The following SPEF2 variants were observed in gnomAD, a reference collection of about 807,000 sequenced individuals.
The protein encoded by SPEF2 is sperm flagella and cilia-associated protein 2.
SPEF2 carries 187 observed loss-of-function variants against 224.6 expected under a neutral mutation model. The observed-to-expected ratio is 0.83, with a 90% CI of 0.74 to 0.94. The LOEUF is 0.94. SPEF2 is among the 40% of genes least tolerant of loss of function. SPEF2 has a pLI of 0.00. For missense variants in SPEF2, 2,170 were observed against 2,135.6 expected, an observed-to-expected ratio of 1.02 and a Z score of -0.32; for synonymous variants, 715 against 707.3, an observed-to-expected ratio of 1.01 and a Z score of -0.17.
At chr5:35,618,170 G>T (rs766313834) in intron 1 of SPEF2, 115 bp downstream of exon 1, 2 of 1,133,582 alleles carry the variant, frequency 1.8e-6, no homozygotes, top group Non-Finnish European at 2.6e-6. Context: ...GCACAGGTGG[G>T]GCACCTGCGT....
chr5:35,635,611 TA>T (rs1209200363), intron 2 of SPEF2, among the ~76,000 whole-genome samples: 1 of 152,180 alleles, frequency 6.6e-6, no homozygotes. Context: ...CATTCCTATG[TA>T]TAATGTTAAC....
intron 21 of SPEF2, among the ~76,000 whole-genome samples, chr5:35,739,517 G>T (rs570720679): frequency 6.6e-6 from 1 of 152,108 alleles, no homozygotes; most frequent in Admixed American, 6.5e-5. Context: ...CAAGTAGCTG[G>T]GATTGGCACA....
At chr5:35,793,882 T>C (rs1177332986) in intron 32 of SPEF2, among the ~76,000 whole-genome samples, 1 of 152,138 alleles carries the variant, frequency 6.6e-6, no homozygotes, top group Non-Finnish European at 1.5e-5. Context: ...ATGTCCAATC[T>C]AATATGGCCC....
At chr5:35,738,160 A>G (rs1430125865) in intron 21 of SPEF2, among the ~76,000 whole-genome samples, 1 of 152,064 alleles carries the variant, frequency 6.6e-6, no homozygotes, top group Admixed American at 6.5e-5. Context: ...CCCCTTCTGT[A>G]GGTTGCCTGT....
intron 2 of SPEF2, among the ~76,000 whole-genome samples, chr5:35,629,843 A>C (rs1433217071): frequency 6.6e-6 from 1 of 152,202 alleles, no homozygotes; most frequent in Non-Finnish European, 1.5e-5. Context: ...AATGTTTGCA[A>C]GGTTCACCCA....
At chr5:35,676,234 C>A (rs1167698201) in intron 10 of SPEF2, among the ~76,000 whole-genome samples, 3 of 152,062 alleles carry the variant, frequency 2.0e-5, no homozygotes, top group Non-Finnish European at 4.4e-5. Flanking sequence ...AGCCCTCTTC[C>A]AAGCTCCCTC....
At chr5:35,683,546 A>C (rs1313190781) in intron 10 of SPEF2, among the ~76,000 whole-genome samples, 2 of 152,018 alleles carry the variant, frequency 1.3e-5, no homozygotes, top group African/African-American at 4.8e-5. Context: ...AATTGCTTGA[A>C]CTCGAGAGAT....
At chr5:35,683,767 A>G (rs1753172619) in intron 10 of SPEF2, among the ~76,000 whole-genome samples, 1 of 152,246 alleles carries the variant, frequency 6.6e-6, no homozygotes, top group Non-Finnish European at 1.5e-5. Flanking sequence ...CAGACCTCCT[A>G]GGTGTTGATG....
Position 35,773,889 on chromosome 5 carries a change from T to G in SPEF2, c.3950-4T>G. 6.2e-7 allele frequency: 1 copy of G among 1,610,816 alleles called. No homozygotes were observed. Among genetic ancestry groups the G allele is most frequent in the East Asian group, 2.2e-5 (1 of 44,844 alleles). ...TTACTCAGCATGTTTCATTGCCCTT[T>G]CAGGTAAATCACCACCTATGGCAGA... On this transcript the variant is annotated splice_polypyrimidine_tract_variant and splice_region_variant and intron_variant, in intron 27 of 36. Coordinates refer to ENST00000356031, the MANE Select transcript of SPEF2 (RefSeq NM_024867.4).
intron 26 of SPEF2, chr5:35,764,719 C>G (rs1192759244): frequency 2.2e-6 from 1 of 456,192 alleles, no homozygotes; most frequent in Non-Finnish European, 4.4e-6. Context: ...CAACTGGGCA[C>G]TTTCCAAGTC....
chr5:35,729,924 C>G (rs1745349637), intron 21 of SPEF2, among the ~76,000 whole-genome samples: 1 of 152,174 alleles, frequency 6.6e-6, no homozygotes, highest in Non-Finnish European at 1.5e-5. Context: ...TGAGGCCTCC[C>G]CAGCCATGTG....
chr5:35,700,474 G>C, intron 15 of SPEF2, 22 bp from the exon 16 acceptor site: 1 of 1,596,322 alleles, frequency 6.3e-7, no homozygotes, highest in Non-Finnish European at 8.5e-7. Flanking sequence ...AAATATTCAT[G>C]AGTTGTCCTG....
At chr5:35,636,478 C>A (rs1745847197) in intron 2 of SPEF2, among the ~76,000 whole-genome samples, 1 of 152,112 alleles carries the variant, frequency 6.6e-6, no homozygotes, top group African/African-American at 2.4e-5. Flanking sequence ...ATTCCTAGGT[C>A]TTCCTTTTAA....
intron 20 of SPEF2, among the ~76,000 whole-genome samples, chr5:35,714,523 T>C: frequency 6.6e-6 from 1 of 151,788 alleles, no homozygotes; most frequent in Admixed American, 6.6e-5. Flanking sequence ...TTTTTATTGA[T>C]TTTTTTTATT....
At chr5:35,747,421 A>G (rs911047312) in intron 23 of SPEF2, among the ~76,000 whole-genome samples, 2 of 152,322 alleles carry the variant, frequency 1.3e-5, no homozygotes, top group African/African-American at 4.8e-5. Context: ...CTCACCAACC[A>G]ACTATCTGCT....
intron 36 of SPEF2, chr5:35,807,684 T>A: frequency 6.5e-7 from 1 of 1,536,044 alleles, no homozygotes; most frequent in Middle Eastern, 1.7e-4. Context: ...TGCAAAAGGT[T>A]GGGCACCACT....
chr5:35,672,271 TGTTATTGAA>T (rs1751302604), intron 10 of SPEF2, among the ~76,000 whole-genome samples: 1 of 5,784 alleles, frequency 1.7e-4, no homozygotes, highest in Non-Finnish European at 3.3e-4. Flanking sequence ...TTCATTATAA[TGTTATTGAA>T]CATTATATAT....
chr5:35,667,385 G>T, intron 9 of SPEF2, 126 bp downstream of exon 9: 2 of 878,206 alleles, frequency 2.3e-6, no homozygotes, highest in Non-Finnish European at 3.3e-6. Context: ...ACTAAAAGGT[G>T]GGGTCCAGGA....
chr5:35,725,703 G>A (rs1294935418), intron 20 of SPEF2, among the ~76,000 whole-genome samples: 6 of 152,094 alleles, frequency 3.9e-5, no homozygotes, highest in Non-Finnish European at 8.8e-5. Flanking sequence ...ATCTACTGCT[G>A]TGTCACTTTG....
Sources: allele counts gnomAD v4.1 joint callset (sites outside exome capture counted in the v4.1 genomes callset), GRCh38; gene constraint gnomAD v4.1.1; transcripts MANE v1.5; gene names NCBI Gene and HGNC (gene_info 2026-07-23, HGNC 2026-07-21).